Variants in KIF1A observed in about 807,000 individuals in gnomAD.
KIF1A encodes kinesin family member 1A.
KIF1A carries 46 observed loss-of-function variants against 227.3 expected under a neutral mutation model. That is an observed-to-expected ratio of 0.20 (90% CI 0.16 to 0.26). The LOEUF (loss-of-function observed/expected upper bound fraction) is 0.26. KIF1A is among the 10% of genes least tolerant of loss of function. KIF1A has a pLI of 1.00. For missense variants in KIF1A, 1,683 were observed against 2,485.9 expected, an observed-to-expected ratio of 0.68 and a Z score of 6.87; for synonymous variants, 1,022 against 1,012.8, an observed-to-expected ratio of 1.01 and a Z score of -0.17.
chr2:240,816,825 A>C (rs2058360064), intron 1 of KIF1A, among the ~76,000 whole-genome samples: 1 of 152,222 alleles, frequency 6.6e-6, no homozygotes, highest in Non-Finnish European at 1.5e-5. Context: ...GGCAAGGAGC[A>C]GGAGAGGTCA....
chr2:240,745,980 G>A (rs977499678), intron 30 of KIF1A, 59 bp downstream of exon 30: 2 of 1,596,258 alleles, frequency 1.3e-6, no homozygotes, highest in Non-Finnish European at 1.7e-6. Flanking sequence ...CCTGGGCCGG[G>A]CTCAGGAACC....
In KIF1A at chr2:240,769,711, G is replaced by C; in HGVS notation, c.1342-5C>G. 1 of 1,612,944 alleles carries C rather than the reference G, an allele frequency of 6.2e-7. No homozygotes were observed. The highest frequency in any genetic ancestry group is 8.5e-7 in the Non-Finnish European group (1 of 1,179,400). On this transcript the variant is annotated splice_region_variant and splice_polypyrimidine_tract_variant and intron_variant, in intron 15 of 48. Coordinates refer to ENST00000498729, the MANE Select transcript of KIF1A (RefSeq NM_001244008.2). ...AGCTATGATCTTCTCTGTTTCCTGG[G>C]GATTGAGGCAGAGCACAGTGAGCTG...
At chr2:240,721,724 G>A in intron 44 of KIF1A, 83 bp downstream of exon 44, 1 of 1,114,650 alleles carries the variant, frequency 9.0e-7, no homozygotes, top group Non-Finnish European at 1.3e-6. Context: ...TTTCCCACTT[G>A]GAATGGGAGT....
intron 1 of KIF1A, among the ~76,000 whole-genome samples, chr2:240,806,304 A>G (rs5027087): frequency 6.6e-6 from 1 of 152,048 alleles, no homozygotes; most frequent in African/African-American, 2.4e-5. Flanking sequence ...ACCGGGGTAC[A>G]CTTGAGTCTT....
rs575919536 is a variant in KIF1A at position 240,715,246 on chromosome 2, C to G, written c.*2118G>C. ...TCCTTGCTGCATCTTGGTCCACTGC[C>G]TCCAGAGGTCACCCATGGGGAGCAC... On this transcript the variant is annotated 3_prime_UTR_variant, in exon 49 of 49. Coordinates refer to ENST00000498729, the MANE Select transcript of KIF1A (RefSeq NM_001244008.2). 2.6e-5 allele frequency: 4 copies of G among 152,594 alleles called. No individual in the cohort carries two copies. In the East Asian group the frequency reaches 5.6e-4, roughly 22 times the overall value. 9.5% of individuals were successfully genotyped at this position (152,594 alleles called of 1,614,324 possible). A position where few individuals can be genotyped will look rare whatever the true frequency, so the allele number is the denominator to read the frequency against.
rs553386832 is a variant in KIF1A at position 240,757,643 on chromosome 2, A to G, written c.2583-49T>C. 344 of 1,495,598 alleles carry G rather than the reference A, an allele frequency of 2.3e-4. 4 individuals are homozygous for G. In the South Asian group the frequency reaches 3.2e-3, roughly 14 times the overall value. The allele number at this position is 1,495,598 out of a possible 1,614,324, so 92.6% of individuals were successfully genotyped here. ...AGAGAAGTTAACACCAGCGACTCGC[A>G]GGGACGAACAGGGGCCGGGGCCGGG... is the stretch of plus-strand genomic sequence containing the variant. On this transcript the variant is annotated intron_variant, in intron 26 of 48. Transcript: ENST00000498729. This position sits in a 1 kb window ranked among gnomAD's most constrained non-coding sequence, Gnocchi z 6.2.
chr2:240,792,160 C>T lies in KIF1A; in HGVS notation c.107-2848G>A, dbSNP rs752874006. ...AGACTAGAAGCCAGGGTCCCCGCAA[C>T]ACCTCCCAGCCCTGAGGTCCGCCAG... On this transcript the variant is annotated intron_variant, in intron 2 of 48. Coordinates refer to ENST00000498729, the MANE Select transcript of KIF1A (RefSeq NM_001244008.2). The surrounding 1 kb of genome is among the most constrained non-coding windows in gnomAD (Gnocchi z 4.5). Among the ~76,000 whole-genome samples the T allele has an allele frequency of 6.6e-6, 1 of 152,112 alleles. No homozygotes were observed. The highest frequency in any genetic ancestry group is 1.5e-5 in the Non-Finnish European group (1 of 68,004).
At chr2:240,770,876 T>C in intron 15 of KIF1A, 95 bp downstream of exon 15, 1 of 1,439,622 alleles carries the variant, frequency 6.9e-7, no homozygotes, top group South Asian at 1.3e-5. Context: ...CCTATGAGGA[T>C]GGGCTGTACC....
chr2:240,748,815 T>C (rs1315182699), intron 28 of KIF1A: 2 of 178,490 alleles, frequency 1.1e-5, no homozygotes, highest in Admixed American at 1.3e-4. Flanking sequence ...TTAGAAATTA[T>C]GGGCTAGGCT....
At chr2:240,796,334 G>A (rs1181738477) in intron 2 of KIF1A, among the ~76,000 whole-genome samples, 7 of 152,304 alleles carry the variant, frequency 4.6e-5, no homozygotes, top group East Asian at 1.9e-4. Context: ...CTAATGCAGC[G>A]AGCGTTGTTG....
At chr2:240,732,057 GATGGGGGAGGAGGGAAGGAGGAA>G (rs2046721857) in intron 38 of KIF1A, among the ~76,000 whole-genome samples, 1 of 77,024 alleles carries the variant, frequency 1.3e-5, no homozygotes, top group African/African-American at 5.3e-5. Flanking sequence ...GGGGATGAGG[GATGGGGGAGGAGGGAAGGAGGAA>G]GAGGGGAGGA....
At chr2:240,735,903 A>G (rs2047261923) in intron 38 of KIF1A, among the ~76,000 whole-genome samples, 1 of 151,756 alleles carries the variant, frequency 6.6e-6, no homozygotes, top group African/African-American at 2.4e-5. Flanking sequence ...GTGCAGGGCA[A>G]GTTCCCTCTG....
At chr2:240,737,257 G>T in intron 37 of KIF1A, 89 bp from the exon 38 acceptor site, 1 of 959,658 alleles carries the variant, frequency 1.0e-6, no homozygotes, top group South Asian at 1.3e-5. Context: ...CTGTCAGCAA[G>T]CCAGCTCCCC....
At position 240,819,764 on chromosome 2, in the gene KIF1A, G is replaced by A. The variant is rs185871062; in HGVS notation, c.-61+358C>T. On this transcript the variant is annotated intron_variant, in intron 1 of 48. Coordinates refer to ENST00000498729, the MANE Select transcript of KIF1A (RefSeq NM_001244008.2). ...CCTCTCCAGGGAAGCGGAATAGCCG[G>A]GGAAGGGCGGGGGTATCCCGATCCC... Among the ~76,000 whole-genome samples, 21 of 152,272 alleles carry A rather than the reference G, an allele frequency of 1.4e-4. No homozygotes were observed. In the South Asian group the frequency reaches 1.7e-3, roughly 12 times the overall value.
chr2:240,744,355 C>T (rs992666020), intron 32 of KIF1A, among the ~76,000 whole-genome samples: 1 of 152,174 alleles, frequency 6.6e-6, no homozygotes, highest in African/African-American at 2.4e-5. Context: ...TGACAAAGGG[C>T]AGCGCTGGTC....
intron 29 of KIF1A, 54 bp downstream of exon 29, chr2:240,747,182 C>T: frequency 7.3e-7 from 1 of 1,370,336 alleles, no homozygotes; most frequent in Non-Finnish European, 1.0e-6. Context: ...GTGCACAGGA[C>T]TCCAGTGAGC....
chr2:240,756,264 G>A (rs1169315063), intron 27 of KIF1A, among the ~76,000 whole-genome samples: 1 of 151,942 alleles, frequency 6.6e-6, no homozygotes. Flanking sequence ...AATCTTAATC[G>A]CCAAAAAAAG....
chr2:240,730,158 T>C (rs919589528), intron 38 of KIF1A, among the ~76,000 whole-genome samples: 3 of 151,876 alleles, frequency 2.0e-5, no homozygotes, highest in Admixed American at 6.6e-5. Flanking sequence ...AGATCCCAAG[T>C]GAGATTAGAG....
chr2:240,811,836 T>G (rs148433583), intron 1 of KIF1A, among the ~76,000 whole-genome samples: 66 of 151,866 alleles, frequency 4.3e-4, no homozygotes, highest in African/African-American at 1.5e-3. Flanking sequence ...GCTGGGGACA[T>G]AGAGGCAACA....
Sources: gnomAD v4.1 joint callset for allele counts (sites outside exome capture counted in the v4.1 genomes callset) on GRCh38, gnomAD v4.1.1 for gene constraint, Gnocchi (gnomAD v3.1) non-coding constraint, MANE v1.5 for transcripts, NCBI Gene and HGNC (gene_info 2026-07-23, HGNC 2026-07-21) for gene names.